Variants in TOP6BL observed in about 807,000 individuals in gnomAD.
The protein encoded by TOP6BL is type 2 DNA topoisomerase 6 subunit B-like.
At chr11:66,829,411 A>G in the TOP6BL span, among the ~76,000 whole-genome samples, 4 of 152,110 alleles carry the variant, frequency 2.6e-5, no homozygotes, top group Admixed American at 1.3e-4. Context: ...CCCTGTCTCT[A>G]CTAAAAATAC....
At chr11:66,803,965 G>A in the TOP6BL span, 1 of 1,553,150 alleles carries the variant, frequency 6.4e-7, no homozygotes, top group African/African-American at 1.4e-5. Flanking sequence ...AGGAAAAAAT[G>A]TTAAATTTGA....
chr11:66,813,846 T>C, the TOP6BL span: 2 of 1,611,688 alleles, frequency 1.2e-6, no homozygotes, highest in Non-Finnish European at 1.7e-6. Flanking sequence ...AATTTGGCAG[T>C]TTTCTTTAGC....
chr11:66,752,596 C>T, the TOP6BL span, among the ~76,000 whole-genome samples: 18 of 151,824 alleles, frequency 1.2e-4, no homozygotes, highest in African/African-American at 2.4e-5. Context: ...GGATTACAGG[C>T]GTTACACCAC....
the TOP6BL span, chr11:66,843,171 C>G: frequency 6.2e-7 from 1 of 1,611,360 alleles, no homozygotes; most frequent in Non-Finnish European, 8.5e-7. Context: ...TCCCGCAGGA[C>G]GTGCTGTGGC....
the TOP6BL span, among the ~76,000 whole-genome samples, chr11:66,782,821 C>T: frequency 6.6e-6 from 1 of 152,166 alleles, no homozygotes; most frequent in Non-Finnish European, 1.5e-5. Flanking sequence ...GTAATGTCAT[C>T]TGATTGAAAA....
the TOP6BL span, chr11:66,761,616 T>G: frequency 8.3e-7 from 1 of 1,200,418 alleles, no homozygotes. Flanking sequence ...TCAAGAAAAG[T>G]AATGTACGCC....
At chr11:66,825,170 G>A in the TOP6BL span, among the ~76,000 whole-genome samples, 3 of 151,364 alleles carry the variant, frequency 2.0e-5, no homozygotes, top group African/African-American at 7.3e-5. Flanking sequence ...AGCCGGATTA[G>A]TGCCTTTATA....
the TOP6BL span, among the ~76,000 whole-genome samples, chr11:66,762,836 A>G: frequency 6.6e-6 from 1 of 152,218 alleles, no homozygotes; most frequent in Admixed American, 6.5e-5. Flanking sequence ...TACAAGATGA[A>G]TACTCTAAAG....
chr11:66,799,709 A>C, the TOP6BL span, among the ~76,000 whole-genome samples: 1 of 149,306 alleles, frequency 6.7e-6, no homozygotes, highest in African/African-American at 2.5e-5. Context: ...ACAGACTGAA[A>C]CTCCGTCTCA....
At chr11:66,805,015 C>T in the TOP6BL span, among the ~76,000 whole-genome samples, 2 of 151,886 alleles carry the variant, frequency 1.3e-5, no homozygotes, top group African/African-American at 2.4e-5. Flanking sequence ...TGCAGTGAGC[C>T]GAGATCGCAG....
the TOP6BL span, chr11:66,804,095 G>A: frequency 6.2e-7 from 1 of 1,613,964 alleles, no homozygotes; most frequent in East Asian, 2.2e-5. Flanking sequence ...GGCTGGCATG[G>A]ACTTGTTGGG....
chr11:66,830,306 C>T, the TOP6BL span, among the ~76,000 whole-genome samples: 5 of 152,028 alleles, frequency 3.3e-5, no homozygotes, highest in East Asian at 3.9e-4. Flanking sequence ...TTATAAATAA[C>T]CTATGAGTTA....
At chr11:66,750,127 A>G in the TOP6BL span, among the ~76,000 whole-genome samples, 2 of 152,186 alleles carry the variant, frequency 1.3e-5, no homozygotes, top group African/African-American at 4.8e-5. Context: ...GAACTATACT[A>G]TACATATGAC....
chr11:66,823,483 ATTAT>A, the TOP6BL span, among the ~76,000 whole-genome samples: 2 of 152,134 alleles, frequency 1.3e-5, no homozygotes, highest in African/African-American at 4.8e-5. Flanking sequence ...GAGAAAACAA[ATTAT>A]TTAAGATTTC....
the TOP6BL span, among the ~76,000 whole-genome samples, chr11:66,804,960 A>G: frequency 6.6e-6 from 1 of 152,144 alleles, no homozygotes; most frequent in Non-Finnish European, 1.5e-5. Context: ...CCAGCTACTC[A>G]GGAGGCTGAG....
chr11:66,761,605 T>G, the TOP6BL span: 1 of 1,186,304 alleles, frequency 8.4e-7, no homozygotes, highest in Non-Finnish European at 1.2e-6. Flanking sequence ...TTTTGAGGTC[T>G]TCAAGAAAAG....
chr11:66,756,394 G>T, the TOP6BL span: 1 of 1,148,564 alleles, frequency 8.7e-7, no homozygotes, highest in Non-Finnish European at 1.1e-6. Flanking sequence ...GTGCAGTGGC[G>T]CAGTCTCGGC....
the TOP6BL span, among the ~76,000 whole-genome samples, chr11:66,770,068 G>A: frequency 3.3e-4 from 50 of 152,134 alleles, no homozygotes; most frequent in African/African-American, 1.1e-3. Flanking sequence ...TTTATAAGAA[G>A]AGGAAGGGAG....
the TOP6BL span, among the ~76,000 whole-genome samples, chr11:66,794,091 G>A: frequency 2.9e-5 from 4 of 137,956 alleles, no homozygotes; most frequent in Non-Finnish European, 6.1e-5. Flanking sequence ...CAGCCTGAGT[G>A]ACAAAGCGAG....
Sources: allele counts gnomAD v4.1 joint callset (sites outside exome capture counted in the v4.1 genomes callset), GRCh38; gene constraint gnomAD v4.1.1; transcripts MANE v1.5; gene names NCBI Gene and HGNC (gene_info 2026-07-23, HGNC 2026-07-21).